LINGO1: variants seen among roughly 807,000 people sequenced by gnomAD.
The protein encoded by LINGO1 is leucine-rich repeat and immunoglobulin-like domain-containing nogo receptor-interacting protein 1.
LINGO1 carries 11 observed loss-of-function variants against 37.3 expected under a neutral mutation model. That is an observed-to-expected ratio of 0.29 (90% CI 0.19 to 0.49). LINGO1 has a LOEUF of 0.49. LINGO1 is among the 20% of genes least tolerant of loss of function. The probability of loss-of-function intolerance (pLI) is 0.99; values close to 1 mark genes in which losing one functional copy is unlikely to be tolerated. For synonymous variants in LINGO1, 387 were observed against 403.0 expected, an observed-to-expected ratio of 0.96 and a Z score of 0.48; for missense variants, 585 against 878.2, an observed-to-expected ratio of 0.67 and a Z score of 4.22.
At chr15:77,798,826 G>A (rs555418168) in intron 1 of LINGO1, among the ~76,000 whole-genome samples, 4 of 152,286 alleles carry the variant, frequency 2.6e-5, no homozygotes, top group South Asian at 2.1e-4. Context: ...CAAATGCCCC[G>A]GAGAATGTGA....
At chr15:77,626,645 T>TATCA (rs1317568903) in intron 1 of LINGO1, among the ~76,000 whole-genome samples, 1 of 152,166 alleles carries the variant, frequency 6.6e-6, no homozygotes, top group African/African-American at 2.4e-5. Context: ...CTAAGGAGCT[T>TATCA]ATCAAGGCAG....
intron 1 of LINGO1, among the ~76,000 whole-genome samples, chr15:77,814,353 A>G (rs914962555): frequency 1.3e-5 from 2 of 152,208 alleles, no homozygotes; most frequent in African/African-American, 4.8e-5. Context: ...CATCTGTGAA[A>G]CGGAACAATG....
intron 3 of LINGO1, among the ~76,000 whole-genome samples, chr15:77,664,767 G>A (rs1264356362): frequency 6.6e-6 from 1 of 152,208 alleles, no homozygotes; most frequent in Non-Finnish European, 1.5e-5. Context: ...ATGGGCCAGG[G>A]AGGGCTGGAC....
At chr15:77,675,191 C>T (rs753667932) in intron 3 of LINGO1, among the ~76,000 whole-genome samples, 1 of 152,312 alleles carries the variant, frequency 6.6e-6, no homozygotes, top group South Asian at 2.1e-4. Flanking sequence ...CATAAATCAG[C>T]TCAGCCTTCT....
upstream of LINGO1, chr15:77,787,748 C>T (rs1437478045): frequency 6.6e-6 from 1 of 152,224 alleles, no homozygotes; most frequent in Non-Finnish European, 1.5e-5. Flanking sequence ...AACCCCAGCT[C>T]AGCCTTTTTA....
At chr15:77,740,820 C>G (rs1397527042) in intron 1 of LINGO1, among the ~76,000 whole-genome samples, 1 of 152,184 alleles carries the variant, frequency 6.6e-6, no homozygotes, top group Non-Finnish European at 1.5e-5. Context: ...AGATCTCTAA[C>G]CTTCAACCCC....
At chr15:77,699,651 GCATA>G (rs2075749585), upstream of LINGO1, among the ~76,000 whole-genome samples, 1 of 122,142 alleles carries the variant, frequency 8.2e-6, no homozygotes, top group African/African-American at 3.3e-5. Flanking sequence ...ACCATCATCT[GCATA>G]CAGTAAGCAC....
intron 1 of LINGO1, among the ~76,000 whole-genome samples, chr15:77,741,113 G>T (rs940809544): frequency 6.6e-6 from 1 of 152,232 alleles, no homozygotes; most frequent in Non-Finnish European, 1.5e-5. Context: ...AGGCCAGCGG[G>T]GGCAAGAGGC....
intron 1 of LINGO1, among the ~76,000 whole-genome samples, chr15:77,748,915 T>G (rs1409328421): frequency 3.2e-5 from 3 of 92,324 alleles, no homozygotes; most frequent in Admixed American, 1.0e-4. Flanking sequence ...TTCTCTTTTT[T>G]TTTTTTTTTT....
At position 77,669,053 on chromosome 15, in the gene LINGO1, G is replaced by A. The variant is rs185840582; in HGVS notation, c.-13+8036C>T. The stretch of plus-strand genomic sequence containing the variant: ...CTTCACAGAAAATCCCTTCTTCGCC[G>A]CTGTGCATGTCAGGGTATAATTACC... On this transcript the variant is annotated intron_variant, in intron 3 of 3. Coordinates refer to the LINGO1 transcript ENST00000559893. 7.9e-5 allele frequency among the ~76,000 whole-genome samples: 12 copies of A among 152,346 alleles called. 1 individual carries two copies. Among genetic ancestry groups the A allele is most frequent in the African/African-American group, 9.6e-5 (4 of 41,576 alleles).
chr15:77,737,586 T>C (rs1026905320), intron 1 of LINGO1, among the ~76,000 whole-genome samples: 1 of 152,142 alleles, frequency 6.6e-6, no homozygotes, highest in African/African-American at 2.4e-5. Context: ...ACCCCTTCAC[T>C]TCCAGTTCCC....
chr15:77,676,348 T>C (rs975024086), intron 3 of LINGO1, among the ~76,000 whole-genome samples: 3 of 152,270 alleles, frequency 2.0e-5, no homozygotes, highest in African/African-American at 7.2e-5. Flanking sequence ...TAAAATTGTA[T>C]GTGCCATGTA....
rs535946278 is a variant in LINGO1, at chr15:77,702,369, C to G, written c.-194-11468G>C. Among the ~76,000 whole-genome samples the G allele has an allele frequency of 2.6e-5, 4 of 152,220 alleles. No homozygotes were observed. In the South Asian group the frequency reaches 8.3e-4, roughly 32 times the overall value. On this transcript the variant is annotated intron_variant, in intron 2 of 3. Coordinates refer to the LINGO1 transcript ENST00000561686. ...CCCCATGCCAAGGGGAAGTGCTGAC[C>G]CTGTTACAGCACCTGCCATTCCTGA...
chr15:77,626,189 C>G (rs2074083896), intron 1 of LINGO1, among the ~76,000 whole-genome samples: 1 of 152,162 alleles, frequency 6.6e-6, no homozygotes, highest in South Asian at 2.1e-4. Context: ...CCCAGCATCC[C>G]AACCGCGGCC....
At chr15:77,776,967 T>C (rs1356472099) in intron 1 of LINGO1, among the ~76,000 whole-genome samples, 2 of 152,214 alleles carry the variant, frequency 1.3e-5, no homozygotes, top group East Asian at 3.8e-4. Flanking sequence ...ACCCAGAGCC[T>C]GGCTCTAAAG....
chr15:77,643,499 G>A (rs967667394), intron 3 of LINGO1, among the ~76,000 whole-genome samples: 8 of 152,216 alleles, frequency 5.3e-5, no homozygotes, highest in African/African-American at 1.7e-4. Flanking sequence ...GTTGGATGGC[G>A]GGAGGGAAAG....
At chr15:77,704,437 C>A (rs973494979) in intron 2 of LINGO1, among the ~76,000 whole-genome samples, 35 of 151,854 alleles carry the variant, frequency 2.3e-4, no homozygotes, top group Admixed American at 2.2e-3. Flanking sequence ...TGAATCCCGA[C>A]CCTGGTCAGA....
At chr15:77,813,184 G>A (rs1217425702) in intron 1 of LINGO1, among the ~76,000 whole-genome samples, 1 of 152,228 alleles carries the variant, frequency 6.6e-6, no homozygotes, top group African/African-American at 2.4e-5. Context: ...ACTGCTCTCA[G>A]AGTTCTGAGG....
rs575049845 is a variant in LINGO1 at position 77,810,801 on chromosome 15, G to A, written c.-458+9457C>T. Among the ~76,000 whole-genome samples, 5 of 152,318 alleles carry A rather than the reference G, an allele frequency of 3.3e-5. No individual in the cohort carries two copies. In the South Asian group the frequency reaches 8.3e-4, roughly 25 times the overall value. On this transcript the variant is annotated intron_variant, in intron 1 of 5. Transcript: ENST00000562933. ...GGAATCACCCTAACCCCAAGGAGGC[G>A]GGGAAGCCCAGGGAGACCTGTAGCT...
Sources: allele counts gnomAD v4.1 joint callset (sites outside exome capture counted in the v4.1 genomes callset), GRCh38; gene constraint gnomAD v4.1.1; transcripts MANE v1.5; gene names NCBI Gene and HGNC (gene_info 2026-07-23, HGNC 2026-07-21).